ANK2: variants seen among roughly 807,000 people sequenced by gnomAD.
The protein encoded by ANK2 is ankyrin-2.
In ANK2, 83 loss-of-function variants were observed where a neutral mutation model predicts 360.5. That is an observed-to-expected ratio of 0.23 (90% CI 0.19 to 0.28). The LOEUF is 0.28. ANK2 is among the 10% of genes least tolerant of loss of function. The pLI, the probability that ANK2 is intolerant of heterozygous loss-of-function variation, is 1.00. For missense variants in ANK2, 4,201 were observed against 4,795.7 expected (o/e 0.88, Z 3.66); for synonymous variants, 1,740 against 1,759.5 (o/e 0.99, Z 0.28).
chr4:113,357,229 A>G lies in ANK2; in HGVS notation c.8611A>G (p.Ile2871Val), dbSNP rs1199276950. ...LDEDISATSS[I>V]QKTEVTKTDE... The stretch of plus-strand genomic sequence containing the variant: ...TGAAGACATATCTGCCACATCTTCT[A>G]TTCAAAAAACAGAGGTCACAAAAAC... The change falls in exon 38 of 46, where the codon ATT becomes GTT. Residue 2871 changes from isoleucine to valine, a missense_variant. Physicochemically the swap from Ile to Val is conservative, Grantham distance 29. Transcript: ENST00000357077. 1.2e-6 allele frequency: 2 copies of G among 1,614,098 alleles called. No individual in the cohort carries two copies. Among genetic ancestry groups the G allele is most frequent in the Non-Finnish European group, 1.7e-6 (2 of 1,179,982 alleles).
At chr4:113,284,217 C>T (rs1441963232) in intron 18 of ANK2, among the ~76,000 whole-genome samples, 2 of 152,174 alleles carry the variant, frequency 1.3e-5, no homozygotes, top group South Asian at 4.1e-4. Context: ...AGGGCATGGG[C>T]GTCCTTGTGA....
At chr4:112,730,220 T>C in the ANK2 span, among the ~76,000 whole-genome samples, 1 of 117,942 alleles carries the variant, frequency 8.5e-6, no homozygotes, top group African/African-American at 3.4e-5. Context: ...ACCACTGCAC[T>C]CCAGCCTGGG....
chr4:112,799,184 T>A, the ANK2 span, among the ~76,000 whole-genome samples: 1 of 152,230 alleles, frequency 6.6e-6, no homozygotes, highest in Non-Finnish European at 1.5e-5. Context: ...TTCCATTGTA[T>A]GTATGTACCA....
intron 1 of ANK2, among the ~76,000 whole-genome samples, chr4:113,167,754 A>G (rs955348396): frequency 3.8e-4 from 58 of 152,200 alleles, no homozygotes; most frequent in African/African-American, 1.3e-3. Context: ...ATTATCAGCA[A>G]CCAAAAGCCC....
upstream of ANK2, among the ~76,000 whole-genome samples, chr4:112,815,012 C>CTTT (rs66513268): frequency 6.9e-6 from 1 of 145,418 alleles, no homozygotes; most frequent in Non-Finnish European, 1.5e-5. Context: ...CAAAAAGACA[C>CTTT]TTTTTTTTTT....
At chr4:113,255,692 G>GAA (rs34725737) in intron 10 of ANK2, 43 bp from the exon 11 acceptor site, 27 of 1,227,370 alleles carry the variant, frequency 2.2e-5, no homozygotes, top group Non-Finnish European at 2.6e-5. Context: ...TGAAAATAAT[G>GAA]AAAAAAAAAA....
chr4:113,279,808 GAACTGTC>G (rs1018650373), intron 17 of ANK2, among the ~76,000 whole-genome samples: 1 of 151,070 alleles, frequency 6.6e-6, no homozygotes, highest in African/African-American at 2.4e-5. Flanking sequence ...TAAAGTACTT[GAACTGTC>G]AAAAGAGGGT....
At chr4:113,167,835 T>C (rs2097801437) in intron 1 of ANK2, among the ~76,000 whole-genome samples, 2 of 152,196 alleles carry the variant, frequency 1.3e-5, no homozygotes, top group Non-Finnish European at 2.9e-5. Flanking sequence ...TTTTGAACTT[T>C]AATAAATGGA....
chr4:113,049,947 CT>C, intron 1 of ANK2, 135 bp downstream of exon 1: 1 of 1,164,230 alleles, frequency 8.6e-7, no homozygotes, highest in Non-Finnish European at 1.2e-6. Context: ...CCAAGCCTTG[CT>C]TTTTAAAGAG....
chr4:113,200,295 T>C (rs2098811603), intron 4 of ANK2, among the ~76,000 whole-genome samples: 1 of 152,198 alleles, frequency 6.6e-6, no homozygotes, highest in Non-Finnish European at 1.5e-5. Flanking sequence ...CATTTTAGGC[T>C]TGGAGAGAAA....
At chr4:113,206,319 C>G (rs1224074836) in intron 4 of ANK2, among the ~76,000 whole-genome samples, 1 of 152,154 alleles carries the variant, frequency 6.6e-6, no homozygotes, top group Non-Finnish European at 1.5e-5. Flanking sequence ...ATTCAGCTCT[C>G]ACTTATAAGT....
intron 11 of ANK2, among the ~76,000 whole-genome samples, chr4:113,256,876 T>C (rs1358049346): frequency 6.6e-6 from 1 of 152,214 alleles, no homozygotes; most frequent in Non-Finnish European, 1.5e-5. Flanking sequence ...TGTGAAAACA[T>C]TCATTTTGTC....
At chr4:112,789,985 T>C in the ANK2 span, among the ~76,000 whole-genome samples, 4 of 152,142 alleles carry the variant, frequency 2.6e-5, no homozygotes, top group Admixed American at 2.6e-4. Context: ...ATTGGAACCC[T>C]TGTTGGTGGG....
chr4:113,136,816 G>A (rs1053815728), intron 1 of ANK2, among the ~76,000 whole-genome samples: 1 of 149,670 alleles, frequency 6.7e-6, no homozygotes, highest in Admixed American at 6.7e-5. Flanking sequence ...GAGTGCAGCA[G>A]TACAATCTCG....
the ANK2 span, among the ~76,000 whole-genome samples, chr4:112,761,514 G>A: frequency 6.6e-6 from 1 of 152,302 alleles, no homozygotes; most frequent in South Asian, 2.1e-4. Flanking sequence ...CAGCTGTTCA[G>A]GAAGCTGAGG....
chr4:113,142,172 G>C (rs150706399), intron 1 of ANK2, among the ~76,000 whole-genome samples: 47 of 152,278 alleles, frequency 3.1e-4, no homozygotes, highest in Non-Finnish European at 5.7e-4. Flanking sequence ...TCTACTGGCA[G>C]ATTATTAAAG....
chr4:112,813,972 C>G (rs1193970195), upstream of ANK2, among the ~76,000 whole-genome samples: 1 of 152,182 alleles, frequency 6.6e-6, no homozygotes. Context: ...CTCTGCCATT[C>G]CCCGTTAAAG....
the ANK2 span, among the ~76,000 whole-genome samples, chr4:112,770,001 T>C: frequency 2.0e-5 from 3 of 152,296 alleles, no homozygotes; most frequent in Non-Finnish European, 2.9e-5. Context: ...TCAGCCTTCA[T>C]AATCACACGA....
chr4:113,164,344 A>G (rs1264379304), intron 1 of ANK2, among the ~76,000 whole-genome samples: 2 of 152,266 alleles, frequency 1.3e-5, no homozygotes, highest in Non-Finnish European at 1.5e-5. Context: ...CAGTGTGAGA[A>G]AATGTACCAT....
Sources: allele counts gnomAD v4.1 joint callset (sites outside exome capture counted in the v4.1 genomes callset), GRCh38; gene constraint gnomAD v4.1.1; transcripts MANE v1.5; gene names NCBI Gene and HGNC (gene_info 2026-07-23, HGNC 2026-07-21).